Variants in MCFD2 observed in about 807,000 individuals in gnomAD.
The protein encoded by MCFD2 is multiple coagulation factor deficiency protein 2.
A neutral mutation model predicts 12.8 loss-of-function variants in MCFD2; 11 were observed. The observed-to-expected ratio is 0.86, with a 90% CI of 0.54 to 1.42. MCFD2 has a LOEUF of 1.42. Among genes scored for constraint, MCFD2 ranks in the 40% most tolerant of loss-of-function variants. The pLI, the probability that MCFD2 is intolerant of heterozygous loss-of-function variation, is 0.00. For synonymous variants in MCFD2, 70 were observed against 68.1 expected, an observed-to-expected ratio of 1.03 and a Z score of -0.14; for missense variants, 191 against 178.6, an observed-to-expected ratio of 1.07 and a Z score of -0.40.
chr2:46,919,157 C>G (rs899669141), upstream of MCFD2, among the ~76,000 whole-genome samples: 1 of 152,164 alleles, frequency 6.6e-6, no homozygotes, highest in Admixed American at 6.5e-5. Context: ...CAATTTACAC[C>G]TTTTAGTATT....
At chr2:46,934,485 G>C (rs573927918) in intron 1 of MCFD2, among the ~76,000 whole-genome samples, 1 of 152,010 alleles carries the variant, frequency 6.6e-6, no homozygotes, top group Non-Finnish European at 1.5e-5. Context: ...TCTTGAACTG[G>C]CTGGTCTCCA....
At chr2:46,932,108 A>C (rs1233025951) in intron 1 of MCFD2, among the ~76,000 whole-genome samples, 1 of 152,170 alleles carries the variant, frequency 6.6e-6, no homozygotes, top group East Asian at 1.9e-4. Context: ...AAACTTCCTA[A>C]ATCTGAGAAA....
rs550431242 is a variant in MCFD2 at position 46,915,549 on chromosome 2, C to G, written c.-7+174G>C. On this transcript the variant is annotated intron_variant, in intron 1 of 3. Transcript: ENST00000319466. ...TCCAGAGCCCCCGGTGGGGCACAGG[C>G]TTCCGCCCCGGGAGACAGGCCGTGC... 1.5e-3 allele frequency among the ~76,000 whole-genome samples: 227 copies of G among 152,320 alleles called. 1 individual carries two copies. Among genetic ancestry groups the G allele is most frequent in the Non-Finnish European group, 2.6e-3 (175 of 68,026 alleles).
intron 1 of MCFD2, among the ~76,000 whole-genome samples, chr2:46,913,516 C>T (rs1259769117): frequency 6.6e-6 from 1 of 152,230 alleles, no homozygotes; most frequent in Non-Finnish European, 1.5e-5. Context: ...ATAAGCAACT[C>T]CCTCTACCCA....
At chr2:46,936,519 TG>T (rs776131575) in intron 1 of MCFD2, among the ~76,000 whole-genome samples, 1 of 152,148 alleles carries the variant, frequency 6.6e-6, no homozygotes, top group Non-Finnish European at 1.5e-5. Context: ...GCTATGAGGC[TG>T]GGGGGTCCTG....
At position 46,937,395 on chromosome 2, in the gene MCFD2, A is replaced by G. The variant is rs541780618; in HGVS notation, c.-8+4177T>C. ...CTTAACTTCAGAATAGAAAAAAAAA[A>G]TCTCTATGGTGGATTTTAAGCCCTG... On this transcript the variant is annotated intron_variant, in intron 1 of 2. Coordinates refer to the MCFD2 transcript ENST00000409147. The surrounding 1 kb of genome is among the most constrained non-coding windows in gnomAD (Gnocchi z 4.0). Among the ~76,000 whole-genome samples the G allele has an allele frequency of 5.9e-4, 90 of 152,234 alleles. No homozygotes were observed. Among genetic ancestry groups the G allele is most frequent in the African/African-American group, 2.0e-3 (85 of 41,536 alleles).
intron 1 of MCFD2, among the ~76,000 whole-genome samples, chr2:46,909,738 G>A (rs1376033468): frequency 1.3e-5 from 2 of 152,164 alleles, no homozygotes; most frequent in Non-Finnish European, 2.9e-5. Flanking sequence ...TAGTTCAGCT[G>A]GGCTGCAGCC....
At chr2:46,925,306 C>T (rs190698417) in intron 1 of MCFD2, among the ~76,000 whole-genome samples, 1 of 152,228 alleles carries the variant, frequency 6.6e-6, no homozygotes, top group East Asian at 1.9e-4. Context: ...GCCTATAATC[C>T]CAGCACTTTG....
In MCFD2 at chr2:46,905,586, A is replaced by T. The variant is rs1366185198; in HGVS notation, c.318T>A (p.Ser106Arg). 1 of 1,612,544 alleles carries T rather than the reference A, an allele frequency of 6.2e-7. No homozygotes were observed. The highest frequency in any genetic ancestry group is 8.5e-7 in the Non-Finnish European group (1 of 1,179,654). The change falls in exon 4 of 4, where the codon AGT (serine) becomes AGA (arginine). Residue 106 changes from serine (S) to arginine (R), a missense_variant. Ser to Arg is a moderately radical substitution (Grantham distance 110). Transcript: ENST00000319466. Reference sequence around the variant, plus strand: ...CTTCACTCATTAGTGGTGCCTGTTCACTCCCTTCCTACAAAATACAAATTA... The same window carrying T: ...CTTCACTCATTAGTGGTGCCTGTTCTCTCCCTTCCTACAAAATACAAATTA... ...AITHVHKEEG[S>R]EQAPLMSEDE...
intron 1 of MCFD2, 57 bp from the exon 2 acceptor site, chr2:46,909,234 C>T: frequency 6.4e-7 from 1 of 1,557,034 alleles, no homozygotes; most frequent in Non-Finnish European, 8.7e-7. Flanking sequence ...AGGTTTCGTT[C>T]AGGGCTTGAC....
intron 1 of MCFD2, among the ~76,000 whole-genome samples, chr2:46,910,589 C>T (rs1251721625): frequency 6.6e-6 from 1 of 152,188 alleles, no homozygotes; most frequent in Non-Finnish European, 1.5e-5. Flanking sequence ...TATAGTCCCT[C>T]TTACCCATCC....
At chr2:46,918,257 AC>A (rs1668917840), upstream of MCFD2, among the ~76,000 whole-genome samples, 1 of 152,164 alleles carries the variant, frequency 6.6e-6, no homozygotes, top group African/African-American at 2.4e-5. Context: ...CTAAAATTCT[AC>A]GAGCTGTTTT....
Position 46,941,409 on chromosome 2 carries a change from C to CGCTGCCGCCCGGGCCCCG in MCFD2, c.-8+145_-8+162dup, listed in dbSNP as rs1670358992. 8 of 844,114 alleles carry CGCTGCCGCCCGGGCCCCG rather than the reference C, an allele frequency of 9.5e-6. No individual in the cohort carries two copies. The allele number at this position is 844,114 out of a possible 1,614,324, so 52.3% of individuals were successfully genotyped here. ...GCCCACCCTCCGCCGCCCGGGCCCC[C>CGCTGCCGCCCGGGCCCCG]GCTGCCGCCCGGGCCCCGGCTGCCG... On this transcript the variant is annotated intron_variant, in intron 1 of 2. Transcript: ENST00000409147. This position sits in a 1 kb window ranked among gnomAD's most constrained non-coding sequence, Gnocchi z 4.2.
At chr2:46,920,003 G>A (rs535861157), upstream of MCFD2, among the ~76,000 whole-genome samples, 1 of 152,258 alleles carries the variant, frequency 6.6e-6, no homozygotes, top group South Asian at 2.1e-4. Flanking sequence ...ATTTTGGCAT[G>A]TGTTGTGTTG....
rs1474321946 is a variant in MCFD2 at position 46,908,623 on chromosome 2, G to A, written c.149+400C>T. The A allele has an allele frequency of 3.2e-6, 1 of 314,156 alleles. No homozygotes were observed. The highest frequency in any genetic ancestry group is 2.2e-5 in the African/African-American group (1 of 46,000). 19.5% of individuals were successfully genotyped at this position (314,156 alleles called of 1,614,324 possible). A position where few individuals can be genotyped will look rare whatever the true frequency, so the allele number is the denominator to read the frequency against. On this transcript the variant is annotated intron_variant, in intron 2 of 3. Coordinates refer to ENST00000319466, the MANE Select transcript of MCFD2 (RefSeq NM_139279.6). This position sits in a 1 kb window ranked among gnomAD's most constrained non-coding sequence, Gnocchi z 4.5. The stretch of plus-strand genomic sequence containing the variant: ...GGCTAACTGGCCCAAGACAAAAGCT[G>A]CAACAAATGATTCAATGTTTGAATG...
Position 46,915,672 on chromosome 2 carries a change from G to T in MCFD2, c.-7+51C>A, listed in dbSNP as rs941945419. The T allele has an allele frequency of 5.3e-5, 39 of 732,832 alleles. No individual in the cohort carries two copies. The African/African-American group carries it at 6.8e-4, about 13-fold the overall frequency. 45.4% of individuals were successfully genotyped at this position (732,832 alleles called of 1,614,324 possible). The stretch of plus-strand genomic sequence containing the variant: ...CTTGAGCCCAAGCCTCCAGCCCACA[G>T]GAGAGGCGCCGGGATCCCGCCCGCT... On this transcript the variant is annotated intron_variant, in intron 1 of 3. Transcript: ENST00000319466.
At chr2:46,936,361 C>T (rs991681922) in intron 1 of MCFD2, among the ~76,000 whole-genome samples, 1 of 151,910 alleles carries the variant, frequency 6.6e-6, no homozygotes, top group Non-Finnish European at 1.5e-5. Flanking sequence ...GGCCCAGGGA[C>T]AAATTTTGTC....
chr2:46,932,958 T>C (rs1257381204), intron 1 of MCFD2, among the ~76,000 whole-genome samples: 1 of 150,882 alleles, frequency 6.6e-6, no homozygotes, highest in East Asian at 2.0e-4. Context: ...AAAACTGCTA[T>C]AATCTCTGAG....
chr2:46,934,973 G>T (rs1337400838), intron 1 of MCFD2, among the ~76,000 whole-genome samples: 1 of 151,582 alleles, frequency 6.6e-6, no homozygotes, highest in Admixed American at 6.6e-5. Flanking sequence ...GCTAATTTTT[G>T]TATTTTTAGT....
Sources: gnomAD v4.1 joint callset for allele counts (sites outside exome capture counted in the v4.1 genomes callset) on GRCh38, gnomAD v4.1.1 for gene constraint, Gnocchi (gnomAD v3.1) non-coding constraint, MANE v1.5 for transcripts, NCBI Gene and HGNC (gene_info 2026-07-23, HGNC 2026-07-21) for gene names.